Variants in TMEM108 observed in about 807,000 individuals in gnomAD.
The protein encoded by TMEM108 is transmembrane protein 108, also known as cancer/testis antigen 124.
In TMEM108, 12 loss-of-function variants were observed where a neutral mutation model predicts 35.1. The ratio of observed to expected loss-of-function variants is 0.34; its 90% CI spans 0.22 to 0.55. The LOEUF is 0.55. Among genes scored for constraint, TMEM108 ranks in the 20% least tolerant of loss-of-function variants. TMEM108 has a pLI of 0.89. For synonymous variants in TMEM108, 287 were observed against 308.6 expected, an observed-to-expected ratio of 0.93 and a Z score of 0.73; for missense variants, 680 against 753.3, an observed-to-expected ratio of 0.90 and a Z score of 1.14.
intron 4 of TMEM108, among the ~76,000 whole-genome samples, chr3:133,385,440 C>T (rs1002445980): frequency 1.3e-5 from 2 of 152,210 alleles, no homozygotes; most frequent in Admixed American, 1.3e-4. Context: ...AGGCACATTC[C>T]CGCCTGCCAG....
At chr3:133,367,466 T>C (rs923644187) in intron 3 of TMEM108, among the ~76,000 whole-genome samples, 8 of 152,212 alleles carry the variant, frequency 5.3e-5, no homozygotes, top group African/African-American at 1.9e-4. Flanking sequence ...TGCCCAAAAC[T>C]CAAATTACAC....
At chr3:133,253,915 C>A (rs946994355) in intron 3 of TMEM108, among the ~76,000 whole-genome samples, 1 of 152,136 alleles carries the variant, frequency 6.6e-6, no homozygotes, top group Non-Finnish European at 1.5e-5. Flanking sequence ...CAAAATAATT[C>A]CAACAAATTC....
At chr3:133,199,716 T>G (rs1945632580) in intron 2 of TMEM108, among the ~76,000 whole-genome samples, 2 of 151,998 alleles carry the variant, frequency 1.3e-5, no homozygotes, top group Non-Finnish European at 2.9e-5. Flanking sequence ...TGCCTCCCAG[T>G]ACCCCACTTG....
chr3:133,099,380 G>A (rs2100230), intron 2 of TMEM108, among the ~76,000 whole-genome samples: 37,605 of 152,124 alleles, frequency 0.25, 4,875 homozygotes, highest in Admixed American at 0.34. Flanking sequence ...AGGGGCTGCC[G>A]TGAAGGTCTC....
intron 2 of TMEM108, among the ~76,000 whole-genome samples, chr3:133,167,707 C>T (rs986073236): frequency 2.6e-5 from 4 of 152,332 alleles, no homozygotes; most frequent in East Asian, 1.9e-4. Context: ...GCCGAGCCCA[C>T]ACCCACCCGG....
intron 2 of TMEM108, among the ~76,000 whole-genome samples, chr3:133,181,025 A>AC (rs1945333220): frequency 2.8e-5 from 4 of 145,204 alleles, no homozygotes; most frequent in African/African-American, 1.1e-4. Flanking sequence ...AAAAAAAAAA[A>AC]AAAAAAAAAA....
At chr3:133,359,825 C>A (rs1344189278) in intron 3 of TMEM108, among the ~76,000 whole-genome samples, 1 of 152,128 alleles carries the variant, frequency 6.6e-6, no homozygotes, top group Admixed American at 6.5e-5. Flanking sequence ...TCCCAGAGTT[C>A]CATCTCTAGG....
chr3:133,068,256 A>G (rs1943634422), intron 2 of TMEM108, among the ~76,000 whole-genome samples: 1 of 152,206 alleles, frequency 6.6e-6, no homozygotes, highest in African/African-American at 2.4e-5. Context: ...CCTCTCAGGC[A>G]GGTGAACTTA....
chr3:133,068,914 A>G (rs1286493756), intron 2 of TMEM108, among the ~76,000 whole-genome samples: 1 of 152,186 alleles, frequency 6.6e-6, no homozygotes, highest in Non-Finnish European at 1.5e-5. Flanking sequence ...TTCCTGGGGC[A>G]GCTGTGAGGC....
Position 133,129,435 on chromosome 3 carries a change from T to C in TMEM108, c.-47+83415T>C, listed in dbSNP as rs1485095441. Among the ~76,000 whole-genome samples, 3 of 147,964 alleles carry C rather than the reference T, an allele frequency of 2.0e-5. No homozygotes were observed. The East Asian group carries it at 6.2e-4, about 31-fold the overall frequency. ...TGGTAACAAAAGAAAAAGCAGTAGCTGGGATGCAGAGTTAAATTTGCTCAA... is the reference window on the plus strand; with the variant it reads ...TGGTAACAAAAGAAAAAGCAGTAGCCGGGATGCAGAGTTAAATTTGCTCAA... On this transcript the variant is annotated intron_variant, in intron 2 of 5. Transcript: ENST00000321871.
chr3:133,076,163 A>G (rs1306207363), intron 2 of TMEM108, among the ~76,000 whole-genome samples: 1 of 152,108 alleles, frequency 6.6e-6, no homozygotes, highest in Admixed American at 6.5e-5. Context: ...TCATCAACAT[A>G]TATACATTAA....
chr3:133,214,227 T>C (rs1412198025), intron 2 of TMEM108, among the ~76,000 whole-genome samples: 2 of 152,128 alleles, frequency 1.3e-5, no homozygotes, highest in African/African-American at 4.8e-5. Context: ...AATTCAAGGA[T>C]CAGAGCTCAA....
At chr3:133,361,009 A>T (rs2072331545) in intron 3 of TMEM108, among the ~76,000 whole-genome samples, 1 of 152,174 alleles carries the variant, frequency 6.6e-6, no homozygotes, top group Admixed American at 6.5e-5. Flanking sequence ...CCTCAAGACC[A>T]CCTGGATCCT....
At chr3:133,082,138 C>T (rs1943819484) in intron 2 of TMEM108, among the ~76,000 whole-genome samples, 1 of 152,192 alleles carries the variant, frequency 6.6e-6, no homozygotes, top group African/African-American at 2.4e-5. Flanking sequence ...TTTGCCATGC[C>T]AAGTTACTTC....
At chr3:133,264,543 A>G (rs1946670844) in intron 3 of TMEM108, among the ~76,000 whole-genome samples, 1 of 152,208 alleles carries the variant, frequency 6.6e-6, no homozygotes, top group Non-Finnish European at 1.5e-5. Flanking sequence ...GTTTTGTAGC[A>G]AAGATAGCAT....
chr3:133,146,822 AT>A (rs1944728220), intron 2 of TMEM108, among the ~76,000 whole-genome samples: 1 of 152,014 alleles, frequency 6.6e-6, no homozygotes, highest in Non-Finnish European at 1.5e-5. Context: ...CCCTTTTATC[AT>A]TTTTTATTGT....
chr3:133,393,222 T>C lies in TMEM108; in HGVS notation c.1606-2642T>C, dbSNP rs774013292. Among the ~76,000 whole-genome samples, 21 of 152,214 alleles carry C rather than the reference T, an allele frequency of 1.4e-4. 1 individual carries two copies. ...TTCAGGTCTCTGTTCAAATGCCACC[T>C]CCTCTGGGAGGCCCTCCCTCCCTTA... On this transcript the variant is annotated intron_variant, in intron 5 of 5. Coordinates refer to ENST00000321871, the MANE Select transcript of TMEM108 (RefSeq NM_023943.4).
intron 2 of TMEM108, among the ~76,000 whole-genome samples, chr3:133,206,161 T>C (rs1466100613): frequency 6.6e-6 from 1 of 152,216 alleles, no homozygotes; most frequent in Non-Finnish European, 1.5e-5. Context: ...GTCATTTATG[T>C]TCTTCTCTAA....
intron 3 of TMEM108, among the ~76,000 whole-genome samples, chr3:133,345,383 G>T (rs2071785898): frequency 6.6e-6 from 1 of 151,662 alleles, no homozygotes; most frequent in Non-Finnish European, 1.5e-5. Flanking sequence ...TCCTTTAGGG[G>T]AATAAAAGCT....
Sources: allele counts gnomAD v4.1 joint callset (sites outside exome capture counted in the v4.1 genomes callset), GRCh38; gene constraint gnomAD v4.1.1; transcripts MANE v1.5; gene names NCBI Gene and HGNC (gene_info 2026-07-23, HGNC 2026-07-21).